WWTR1: variants seen among roughly 807,000 people sequenced by gnomAD.
The protein encoded by WWTR1 is WW domain containing transcription regulator 1.
Under a neutral mutation model 40.1 loss-of-function variants are expected in WWTR1, and 13 were observed. The ratio of observed to expected loss-of-function variants is 0.32; its 90% CI spans 0.21 to 0.52. The LOEUF is 0.52. WWTR1 is among the 20% of genes least tolerant of loss of function. WWTR1 has a pLI of 0.97. For synonymous variants in WWTR1, 230 were observed against 210.1 expected, an observed-to-expected ratio of 1.09 and a Z score of -0.82; for missense variants, 436 against 523.1, an observed-to-expected ratio of 0.83 and a Z score of 1.63.
chr3:149,540,436 C>T (rs1460646599), intron 4 of WWTR1, among the ~76,000 whole-genome samples: 1 of 151,982 alleles, frequency 6.6e-6, no homozygotes, highest in African/African-American at 2.4e-5. Context: ...GAAACACACC[C>T]GCAAAAACAG....
At chr3:149,648,259 G>A (rs546704016) in intron 2 of WWTR1, among the ~76,000 whole-genome samples, 13 of 152,254 alleles carry the variant, frequency 8.5e-5, no homozygotes, top group Admixed American at 6.5e-4. Flanking sequence ...AGACTCCTAC[G>A]AATTCCAGGG....
intron 5 of WWTR1, among the ~76,000 whole-genome samples, chr3:149,713,955 ACTGCGGGGAGG>A (rs766950782): frequency 5.1e-4 from 78 of 152,096 alleles, no homozygotes; most frequent in Non-Finnish European, 1.0e-3. Context: ...GCTGGCCACC[ACTGCGGGGAGG>A]CTGCGGGGAG....
chr3:149,654,370 A>G (rs958087540), intron 2 of WWTR1, among the ~76,000 whole-genome samples: 1 of 152,222 alleles, frequency 6.6e-6, no homozygotes, highest in Non-Finnish European at 1.5e-5. Flanking sequence ...GCTTATCCTT[A>G]AAGACAATAG....
At chr3:149,540,336 C>T in intron 4 of WWTR1, 1 of 454,594 alleles carries the variant, frequency 2.2e-6, no homozygotes, top group East Asian at 7.0e-5. Context: ...GCACCTACAG[C>T]TGGAATAAAG....
intron 1 of WWTR1, among the ~76,000 whole-genome samples, chr3:149,692,945 C>T (rs541613549): frequency 1.3e-5 from 2 of 151,950 alleles, no homozygotes; most frequent in South Asian, 2.1e-4. Flanking sequence ...CCACTTTCAC[C>T]ACTGTTATTC....
chr3:149,603,524 T>A (rs918081865), intron 2 of WWTR1, among the ~76,000 whole-genome samples: 5 of 151,520 alleles, frequency 3.3e-5, no homozygotes, highest in African/African-American at 1.2e-4. Context: ...ATGATAATGC[T>A]AATAATTTAG....
At chr3:149,541,827 C>G (rs1736113525) in intron 4 of WWTR1, among the ~76,000 whole-genome samples, 1 of 152,118 alleles carries the variant, frequency 6.6e-6, no homozygotes, top group East Asian at 1.9e-4. Flanking sequence ...TCCAGCAATC[C>G]TCACCATCAT....
At chr3:149,601,761 C>G (rs1739253292) in intron 2 of WWTR1, among the ~76,000 whole-genome samples, 1 of 151,260 alleles carries the variant, frequency 6.6e-6, no homozygotes, top group African/African-American at 2.4e-5. Flanking sequence ...CTTTGGCTAC[C>G]TTTTAAGGAT....
At chr3:149,678,686 CT>C (rs1714353170) in intron 1 of WWTR1, among the ~76,000 whole-genome samples, 2 of 152,178 alleles carry the variant, frequency 1.3e-5, no homozygotes, top group South Asian at 4.1e-4. Context: ...TCTCCCTCAT[CT>C]ACCAAATTCT....
intron 5 of WWTR1, among the ~76,000 whole-genome samples, chr3:149,709,428 G>T (rs1715423603): frequency 6.6e-6 from 1 of 152,104 alleles, no homozygotes; most frequent in African/African-American, 2.4e-5. Context: ...TTAGAGAAAT[G>T]TATGTTCAAA....
chr3:149,611,246 A>G (rs1362657703), intron 2 of WWTR1, among the ~76,000 whole-genome samples: 1 of 152,194 alleles, frequency 6.6e-6, no homozygotes, highest in Non-Finnish European at 1.5e-5. Context: ...CAGAACCAAG[A>G]AAGCTGCGTA....
chr3:149,657,268 A>C lies in WWTR1; in HGVS notation c.39T>G (p.Pro13=). ...PASAPPPLPP[P]GQQVIHVTQD... Reference sequence around the variant, plus strand: ...GCGTGACGTGGATCACTTGCTGCCCAGGCGGCGGGAGCGGAGGGGGCGCCG... The same window carrying C: ...GCGTGACGTGGATCACTTGCTGCCCCGGCGGCGGGAGCGGAGGGGGCGCCG... Residue 13 remains proline (P), a synonymous_variant, in exon 2 of 7, where the codon CCT becomes CCG. Coordinates refer to ENST00000360632, the MANE Select transcript of WWTR1 (RefSeq NM_015472.6). The C allele has an allele frequency of 6.2e-7, 1 of 1,613,160 alleles. No individual in the cohort carries two copies. Among genetic ancestry groups the C allele is most frequent in the Non-Finnish European group, 8.5e-7 (1 of 1,179,628 alleles).
At chr3:149,654,959 T>TAA (rs5853434) in intron 2 of WWTR1, among the ~76,000 whole-genome samples, 3 of 149,556 alleles carry the variant, frequency 2.0e-5, no homozygotes, top group Admixed American at 6.7e-5. Flanking sequence ...CCGTCTCTAC[T>TAA]AAAAAAAATA....
chr3:149,549,096 G>A lies in WWTR1; in HGVS notation c.569-6559C>T, dbSNP rs577553327. Among the ~76,000 whole-genome samples, 65 of 152,292 alleles carry A rather than the reference G, an allele frequency of 4.3e-4. No individual in the cohort carries two copies. The South Asian group carries it at 0.013, about 31-fold the overall frequency. On this transcript the variant is annotated intron_variant, in intron 3 of 6. Coordinates refer to ENST00000360632, the MANE Select transcript of WWTR1 (RefSeq NM_015472.6). ...GAAGGAGAGACAAATCTCCCTTACA[G>A]AGGAATTCAAAATCATTTATGTAGA...
intron 1 of WWTR1, among the ~76,000 whole-genome samples, chr3:149,674,622 G>A (rs559082279): frequency 4.6e-5 from 7 of 152,078 alleles, no homozygotes; most frequent in Admixed American, 4.6e-4. Flanking sequence ...CTTAAGGCTA[G>A]CCTTCAGAGA....
At chr3:149,607,042 A>T (rs1053948742) in intron 2 of WWTR1, among the ~76,000 whole-genome samples, 2 of 152,204 alleles carry the variant, frequency 1.3e-5, no homozygotes, top group African/African-American at 4.8e-5. Context: ...TTACAATGGT[A>T]TTTTTTTATT....
chr3:149,678,417 T>G (rs1361668633), intron 1 of WWTR1, among the ~76,000 whole-genome samples: 1 of 152,188 alleles, frequency 6.6e-6, no homozygotes, highest in Non-Finnish European at 1.5e-5. Flanking sequence ...CTGCAGGCCC[T>G]TTTTCCATAA....
At chr3:149,575,634 C>T (rs1167105935) in intron 2 of WWTR1, among the ~76,000 whole-genome samples, 2 of 152,196 alleles carry the variant, frequency 1.3e-5, no homozygotes, top group Admixed American at 6.5e-5. Flanking sequence ...ATTTCAGCTA[C>T]CAGCTCTAGG....
chr3:149,716,734 A>C (rs1012135192), intron 5 of WWTR1, among the ~76,000 whole-genome samples: 1 of 152,130 alleles, frequency 6.6e-6, no homozygotes, highest in African/African-American at 2.4e-5. Context: ...ATTATTTCAT[A>C]AGTGGATGGA....
Sources: allele counts gnomAD v4.1 joint callset (sites outside exome capture counted in the v4.1 genomes callset), GRCh38; gene constraint gnomAD v4.1.1; transcripts MANE v1.5; gene names NCBI Gene and HGNC (gene_info 2026-07-23, HGNC 2026-07-21).